TBPL2: variants seen among roughly 807,000 people sequenced by gnomAD.
TBPL2 encodes the protein TATA-box binding protein like 2, also known as TATA box-binding protein-like 2.
In TBPL2, 40 loss-of-function variants were observed where a neutral mutation model predicts 38.2. The ratio of observed to expected loss-of-function variants is 1.05; its 90% CI spans 0.81 to 1.36. TBPL2 has a LOEUF of 1.36. TBPL2 is among the 40% of genes most tolerant of loss of function. The pLI is 0.00. For missense variants in TBPL2, 461 were observed against 456.7 expected, an observed-to-expected ratio of 1.01 and a Z score of -0.09; for synonymous variants, 169 against 171.7, an observed-to-expected ratio of 0.98 and a Z score of 0.12.
At chr14:55,415,105 A>G (rs967849675) in intron 6 of TBPL2, among the ~76,000 whole-genome samples, 1 of 152,174 alleles carries the variant, frequency 6.6e-6, no homozygotes, top group Non-Finnish European at 1.5e-5. Flanking sequence ...ACCAACAACC[A>G]AACACCACCA....
Position 55,428,119 on chromosome 14 carries a change from C to CTTT in TBPL2, c.956+685_956+687dup, listed in dbSNP as rs567342581. Among the ~76,000 whole-genome samples, 146 of 43,358 alleles carry CTTT rather than the reference C, an allele frequency of 3.4e-3. 41 individuals carry two copies. Among genetic ancestry groups the CTTT allele is most frequent in the African/African-American group, 0.015 (134 of 8,802 alleles). The allele number at this position is 43,358 out of a possible 152,430, so 28.4% of individuals were successfully genotyped here. A position where few individuals can be genotyped will look rare whatever the true frequency, so the allele number is the denominator to read the frequency against. On this transcript the variant is annotated intron_variant, in intron 5 of 6. Coordinates refer to ENST00000247219, the Ensembl canonical transcript of TBPL2. ...GCCTAGTCCATTTCACATGCCTTAT[C>CTTT]TTTTTTTTTTTTTTTTTTTTTTTTT...
Position 55,428,801 on chromosome 14 carries a change from T to C in TBPL2, c.956+6A>G. ...ATTCAAAGTTCAAGCTATATAACCG[T>C]CATACCTACTGAACTGCTGATGGGT... On this transcript the variant is annotated splice_donor_region_variant and intron_variant, in intron 5 of 6. Transcript: ENST00000247219. 1 of 1,613,408 alleles carries C rather than the reference T, an allele frequency of 6.2e-7. No individual in the cohort carries two copies.
chr14:55,419,961 G>A (rs754681891), intron 6 of TBPL2, among the ~76,000 whole-genome samples: 1 of 152,166 alleles, frequency 6.6e-6, no homozygotes, highest in Non-Finnish European at 1.5e-5. Flanking sequence ...TGCTGCACTA[G>A]GCCACACATG....
At chr14:55,424,886 C>T (rs1885797684) in intron 5 of TBPL2, among the ~76,000 whole-genome samples, 2 of 152,216 alleles carry the variant, frequency 1.3e-5, no homozygotes, top group Non-Finnish European at 2.9e-5. Flanking sequence ...CACACTCCAG[C>T]CTGGAGAGGA....
intron 4 of TBPL2, among the ~76,000 whole-genome samples, chr14:55,429,379 G>A (rs1358645071): frequency 1.3e-5 from 2 of 152,228 alleles, no homozygotes; most frequent in African/African-American, 4.8e-5. Flanking sequence ...GTGGGGCCGA[G>A]CAATCTGTCT....
chr14:55,420,003 C>T (rs1282729752), intron 6 of TBPL2, among the ~76,000 whole-genome samples: 2 of 152,206 alleles, frequency 1.3e-5, no homozygotes, highest in Non-Finnish European at 2.9e-5. Context: ...AGGGAGGAGC[C>T]TGAAAGGAGA....
chr14:55,430,919 C>T (rs1175185693), intron 4 of TBPL2, among the ~76,000 whole-genome samples: 3 of 152,164 alleles, frequency 2.0e-5, no homozygotes, highest in Non-Finnish European at 4.4e-5. Context: ...TTGCATAGTC[C>T]TGTAGTTTCT....
chr14:55,424,463 T>C (rs1476658324), intron 5 of TBPL2, among the ~76,000 whole-genome samples: 1 of 152,212 alleles, frequency 6.6e-6, no homozygotes, highest in Non-Finnish European at 1.5e-5. Flanking sequence ...TTTTGGGTCA[T>C]AACACAAGTG....
At chr14:55,424,101 G>A in intron 6 of TBPL2, 58 bp downstream of exon 6, 1 of 1,225,712 alleles carries the variant, frequency 8.2e-7, no homozygotes, top group Non-Finnish European at 1.2e-6. Flanking sequence ...AAAAGAATAA[G>A]CAAAGCACAT....
intron 1 of TBPL2, among the ~76,000 whole-genome samples, chr14:55,439,793 T>A (rs567109602): frequency 6.6e-6 from 1 of 151,254 alleles, no homozygotes; most frequent in African/African-American, 2.4e-5. Flanking sequence ...TAGCCGGGCG[T>A]AGTGGCGGGC....
chr14:55,421,296 T>C (rs1885740922), intron 6 of TBPL2, among the ~76,000 whole-genome samples: 1 of 152,146 alleles, frequency 6.6e-6, no homozygotes, highest in Admixed American at 6.6e-5. Context: ...CACTATTCAA[T>C]TTTATTGGCA....
At chr14:55,414,900 A>T (rs1214915272) in intron 6 of TBPL2, among the ~76,000 whole-genome samples, 1 of 152,262 alleles carries the variant, frequency 6.6e-6, no homozygotes, top group African/African-American at 2.4e-5. Flanking sequence ...ATTTTAGTTT[A>T]AAATTCTAAA....
intron 6 of TBPL2, among the ~76,000 whole-genome samples, chr14:55,418,681 A>G (rs544204281): frequency 6.6e-6 from 1 of 152,350 alleles, no homozygotes; most frequent in African/African-American, 2.4e-5. Flanking sequence ...ACCCTCAGCA[A>G]CAATGACACA....
chr14:55,424,585 A>T (rs901909723), intron 5 of TBPL2, among the ~76,000 whole-genome samples: 1 of 152,208 alleles, frequency 6.6e-6, no homozygotes, highest in Non-Finnish European at 1.5e-5. Context: ...GTCTGTTAAT[A>T]AGAATACATA....
At chr14:55,433,706 T>C in exon 4 of TBPL2, 4 of 1,614,144 alleles carry the variant, frequency 2.5e-6, no homozygotes, top group Non-Finnish European at 3.4e-6. Flanking sequence ...ATCCTCATTA[T>C]GACAGCAGCA....
Position 55,436,745 on chromosome 14 carries a change from C to T in TBPL2, c.424G>A (p.Val142Ile), listed in dbSNP as rs777711783. 7 of 1,614,076 alleles carry T rather than the reference C, an allele frequency of 4.3e-6. No homozygotes were observed. The highest frequency in any genetic ancestry group is 3.3e-5 in the Admixed American group (2 of 60,000). The change falls in exon 2 of 7, where the codon GTT becomes ATT. Residue 142 changes from valine to isoleucine, a missense_variant. Coordinates refer to ENST00000247219, the Ensembl canonical transcript of TBPL2. ...CTGCTGCTGTTTAAGCCCAGCCCAA[C>T]GTCCTGTTCGCTGGGTGATGGCAAC...
chr14:55,417,874 G>C (rs192746987), intron 6 of TBPL2, among the ~76,000 whole-genome samples: 2 of 152,290 alleles, frequency 1.3e-5, no homozygotes, highest in Admixed American at 1.3e-4. Flanking sequence ...CTGGCTTTGA[G>C]ATCAAACAAT....
At chr14:55,423,642 T>C (rs1885777755) in intron 6 of TBPL2, among the ~76,000 whole-genome samples, 1 of 152,236 alleles carries the variant, frequency 6.6e-6, no homozygotes, top group East Asian at 1.9e-4. Context: ...GAAAAAATAT[T>C]ACATAACACA....
intron 6 of TBPL2, among the ~76,000 whole-genome samples, chr14:55,419,025 C>CCAT (rs1301688253): frequency 7.2e-5 from 11 of 152,230 alleles, no homozygotes; most frequent in Admixed American, 6.5e-4. Context: ...ACTCTCCAGT[C>CCAT]CATCCTTTTA....
Sources: gnomAD v4.1 joint callset for allele counts (sites outside exome capture counted in the v4.1 genomes callset) on GRCh38, gnomAD v4.1.1 for gene constraint, MANE v1.5 for transcripts, NCBI Gene and HGNC (gene_info 2026-07-23, HGNC 2026-07-21) for gene names.